The following COBL variants were observed in gnomAD, a reference collection of about 807,000 sequenced individuals.
COBL encodes the protein cordon-bleu WH2 repeat protein.
Under a neutral mutation model 98.8 loss-of-function variants are expected in COBL, and 51 were observed. The observed-to-expected ratio is 0.52, with a 90% CI of 0.41 to 0.65. The LOEUF is 0.65. Ranked by LOEUF, COBL falls within the 30% of genes least tolerant of loss-of-function variation. The probability of loss-of-function intolerance (pLI) is 0.00; values close to 1 mark genes in which losing one functional copy is unlikely to be tolerated. For synonymous variants in COBL, 634 were observed against 651.7 expected, an observed-to-expected ratio of 0.97 and a Z score of 0.41; for missense variants, 1,617 against 1,617.5, an observed-to-expected ratio of 1.00 and a Z score of 0.01.
At chr7:51,091,308 A>C (rs565291752) in intron 6 of COBL, among the ~76,000 whole-genome samples, 5 of 152,342 alleles carry the variant, frequency 3.3e-5, no homozygotes, top group African/African-American at 1.2e-4. Flanking sequence ...CTATGCATGA[A>C]TAGAATCATA....
At chr7:51,276,462 C>A (rs1291636049) in intron 1 of COBL, among the ~76,000 whole-genome samples, 1 of 152,226 alleles carries the variant, frequency 6.6e-6, no homozygotes, top group Non-Finnish European at 1.5e-5. Context: ...GGTGGCCTTG[C>A]CTGCCACAAG....
intron 8 of COBL, chr7:51,031,134 T>G: frequency 1.8e-6 from 1 of 548,458 alleles, no homozygotes; most frequent in Non-Finnish European, 3.2e-6. Flanking sequence ...GTAGCGTGTG[T>G]GCATGTGTGG....
At chr7:51,163,973 G>A (rs1362162274) in intron 5 of COBL, among the ~76,000 whole-genome samples, 1 of 152,092 alleles carries the variant, frequency 6.6e-6, no homozygotes, top group Non-Finnish European at 1.5e-5. Flanking sequence ...TGCATTTAAG[G>A]GCCCCACAGT....
rs552747362 is a variant in COBL at position 51,177,051 on chromosome 7, T to A, written c.783+7051A>T. 7.3e-4 allele frequency among the ~76,000 whole-genome samples: 111 copies of A among 152,302 alleles called. 1 individual carries two copies. Among genetic ancestry groups the A allele is most frequent in the East Asian group, 1.2e-3 (6 of 5,186 alleles). On this transcript the variant is annotated intron_variant, in intron 5 of 12. Coordinates refer to ENST00000265136, the MANE Select transcript of COBL (RefSeq NM_015198.5). ...TGCCTGGGTCTACTAGTCAAATAGG[T>A]TTAGCCTATTTCTGGTAGGTGTTTA... is the stretch of plus-strand genomic sequence containing the variant.
At chr7:51,152,230 T>C (rs1785633666) in intron 5 of COBL, among the ~76,000 whole-genome samples, 1 of 152,198 alleles carries the variant, frequency 6.6e-6, no homozygotes, top group African/African-American at 2.4e-5. Flanking sequence ...GAGACAGCTG[T>C]TCAATTCTGA....
intron 2 of COBL, among the ~76,000 whole-genome samples, chr7:51,216,715 A>C (rs1281108783): frequency 6.6e-6 from 1 of 152,202 alleles, no homozygotes; most frequent in Non-Finnish European, 1.5e-5. Context: ...GATTATCAGC[A>C]TCCAATTACT....
At chr7:51,073,577 A>C (rs1188541640) in intron 7 of COBL, among the ~76,000 whole-genome samples, 1 of 152,148 alleles carries the variant, frequency 6.6e-6, no homozygotes, top group East Asian at 1.9e-4. Flanking sequence ...GAAAGGGCCT[A>C]TTGATCCAAC....
intron 5 of COBL, among the ~76,000 whole-genome samples, chr7:51,182,115 A>G (rs1379866088): frequency 6.6e-6 from 1 of 151,090 alleles, no homozygotes; most frequent in African/African-American, 2.4e-5. Context: ...AAGGGTGAGG[A>G]ATGAGGAATG....
intron 2 of COBL, among the ~76,000 whole-genome samples, chr7:51,195,065 C>T (rs751922356): frequency 3.3e-5 from 5 of 151,980 alleles, no homozygotes; most frequent in East Asian, 1.9e-4. Context: ...CAATTGGTTT[C>T]GGAGTCTTCG....
chr7:51,201,388 A>T (rs907452508), intron 2 of COBL, among the ~76,000 whole-genome samples: 6 of 152,164 alleles, frequency 3.9e-5, no homozygotes, highest in Non-Finnish European at 7.3e-5. Context: ...AATTCAACAG[A>T]AAGACCCAAT....
chr7:51,171,522 C>T (rs1414263513), intron 5 of COBL, among the ~76,000 whole-genome samples: 6 of 152,114 alleles, frequency 3.9e-5, no homozygotes, highest in African/African-American at 1.4e-4. Flanking sequence ...CAGTAAATCA[C>T]GTTCAAACAC....
intron 1 of COBL, among the ~76,000 whole-genome samples, chr7:51,255,168 A>C (rs1797086410): frequency 6.6e-6 from 1 of 152,204 alleles, no homozygotes; most frequent in South Asian, 2.1e-4. Context: ...GCGTATAAAC[A>C]AACATTTAAA....
chr7:51,061,946 T>TACACACACACACACACACACAC (rs1395412693), intron 7 of COBL, among the ~76,000 whole-genome samples: 9 of 96,144 alleles, frequency 9.4e-5, no homozygotes, highest in South Asian at 3.2e-4. Context: ...CTCCCCACCA[T>TACACACACACACACACACACAC]AGATACACAC....
chr7:51,226,546 G>GTGAGTGAGTGAGTGAC (rs1427243957), intron 1 of COBL, among the ~76,000 whole-genome samples: 5 of 151,604 alleles, frequency 3.3e-5, no homozygotes, highest in African/African-American at 1.2e-4. Context: ...GAGTGAGTGA[G>GTGAGTGAGTGAGTGAC]TAAGTGAGTG....
chr7:51,080,303 GT>G (rs1224663093), intron 7 of COBL, among the ~76,000 whole-genome samples: 1 of 152,166 alleles, frequency 6.6e-6, no homozygotes, highest in African/African-American at 2.4e-5. Context: ...TCTTATTTAG[GT>G]TAGTGGACAC....
At chr7:51,136,515 T>C (rs1484221472) in intron 5 of COBL, among the ~76,000 whole-genome samples, 184 bp from the exon 6 acceptor site, 1 of 152,198 alleles carries the variant, frequency 6.6e-6, no homozygotes, top group African/African-American at 2.4e-5. Flanking sequence ...CTGGAGAAGA[T>C]GCTGCAGGAC....
chr7:51,216,734 T>G (rs1793091272), intron 2 of COBL, among the ~76,000 whole-genome samples: 1 of 152,240 alleles, frequency 6.6e-6, no homozygotes, highest in Admixed American at 6.5e-5. Flanking sequence ...CTAATGTGTT[T>G]CCTTTGTGGA....
chr7:51,059,936 A>G (rs1012091261), intron 7 of COBL, among the ~76,000 whole-genome samples: 7 of 152,170 alleles, frequency 4.6e-5, no homozygotes, highest in Non-Finnish European at 1.0e-4. Context: ...GTGGTCCTCC[A>G]TGCCTGTGTA....
chr7:51,202,348 G>C (rs2129066447), intron 2 of COBL, among the ~76,000 whole-genome samples: 1 of 152,226 alleles, frequency 6.6e-6, no homozygotes, highest in African/African-American at 2.4e-5. Flanking sequence ...TATAGCCACG[G>C]TGTATGATAA....
Sources: allele counts gnomAD v4.1 joint callset (sites outside exome capture counted in the v4.1 genomes callset), GRCh38; gene constraint gnomAD v4.1.1; transcripts MANE v1.5; gene names NCBI Gene and HGNC (gene_info 2026-07-23, HGNC 2026-07-21).